The following JMJD1C variants were observed in gnomAD, a reference collection of about 807,000 sequenced individuals.
The protein encoded by JMJD1C is jumonji domain-containing protein 1C.
In JMJD1C, 31 loss-of-function variants were observed where a neutral mutation model predicts 245.3. The observed-to-expected ratio is 0.13, with a 90% CI of 0.09 to 0.17. The LOEUF is 0.17. JMJD1C is among the 10% of genes least tolerant of loss of function. The probability of loss-of-function intolerance (pLI) is 1.00; values close to 1 mark genes in which losing one functional copy is unlikely to be tolerated. For missense variants in JMJD1C, 2,691 were observed against 3,000.2 expected, an observed-to-expected ratio of 0.90 and a Z score of 2.41; for synonymous variants, 1,057 against 1,017.4, an observed-to-expected ratio of 1.04 and a Z score of -0.74.
At chr10:63,409,028 G>A (rs1158692147) in intron 1 of JMJD1C, among the ~76,000 whole-genome samples, 2 of 152,146 alleles carry the variant, frequency 1.3e-5, no homozygotes, top group African/African-American at 4.8e-5. Context: ...TATTTTCCAA[G>A]AAATTAAAAG....
intron 1 of JMJD1C, among the ~76,000 whole-genome samples, chr10:63,490,662 C>G (rs540416140): frequency 2.0e-5 from 3 of 152,144 alleles, no homozygotes; most frequent in African/African-American, 7.2e-5. Flanking sequence ...GATCCACCCA[C>G]CTCGGCTTCC....
At chr10:63,488,810 G>A (rs1046525632) in intron 1 of JMJD1C, among the ~76,000 whole-genome samples, 2 of 152,324 alleles carry the variant, frequency 1.3e-5, no homozygotes, top group African/African-American at 4.8e-5. Flanking sequence ...GTTGAGAGGA[G>A]CTTGAGGGTG....
At chr10:63,257,561 C>T (rs934740957) in intron 3 of JMJD1C, among the ~76,000 whole-genome samples, 9 of 152,078 alleles carry the variant, frequency 5.9e-5, no homozygotes, top group African/African-American at 2.2e-4. Context: ...ACTTCTAGAC[C>T]TTAGTATTAT....
intron 2 of JMJD1C, among the ~76,000 whole-genome samples, chr10:63,282,864 G>A (rs369150498): frequency 4.9e-4 from 75 of 152,108 alleles, no homozygotes; most frequent in East Asian, 3.5e-3. Context: ...CTACAGGCGC[G>A]TGCCACCACG....
intron 1 of JMJD1C, among the ~76,000 whole-genome samples, chr10:63,505,605 TA>T (rs1407862797): frequency 6.6e-6 from 1 of 151,974 alleles, no homozygotes; most frequent in Non-Finnish European, 1.5e-5. Context: ...GGTGGGCTTT[TA>T]AAAAAATTAC....
intron 2 of JMJD1C, among the ~76,000 whole-genome samples, chr10:63,335,182 G>A (rs1942591721): frequency 6.6e-6 from 1 of 152,116 alleles, no homozygotes; most frequent in South Asian, 2.1e-4. Context: ...ATCAGAGATT[G>A]TTGTTCCAGG....
chr10:63,256,830 A>T (rs1853999467), intron 3 of JMJD1C, among the ~76,000 whole-genome samples: 1 of 152,222 alleles, frequency 6.6e-6, no homozygotes, highest in Non-Finnish European at 1.5e-5. Context: ...TTTTAATCAA[A>T]TGTTAAAATG....
chr10:63,446,172 C>T (rs1482864215), intron 1 of JMJD1C, among the ~76,000 whole-genome samples: 2 of 151,950 alleles, frequency 1.3e-5, no homozygotes, highest in Non-Finnish European at 2.9e-5. Context: ...CACCACGCCC[C>T]GCCTGGGATC....
chr10:63,427,952 G>A (rs1311545341), intron 1 of JMJD1C: 6 of 704,918 alleles, frequency 8.5e-6, no homozygotes, highest in African/African-American at 7.0e-5. Flanking sequence ...AGTTTGTGTG[G>A]CCAGCTCATT....
At chr10:63,457,261 T>C (rs1441803051) in intron 1 of JMJD1C, among the ~76,000 whole-genome samples, 1 of 152,064 alleles carries the variant, frequency 6.6e-6, no homozygotes, top group Non-Finnish European at 1.5e-5. Context: ...ACGTTCAAGG[T>C]GGAAAAACAT....
intron 3 of JMJD1C, among the ~76,000 whole-genome samples, chr10:63,249,447 A>G (rs780649078): frequency 6.6e-6 from 1 of 152,246 alleles, no homozygotes; most frequent in African/African-American, 2.4e-5. Flanking sequence ...TAAATATACA[A>G]TTCAACAGAA....
chr10:63,247,864 C>CAAAACA (rs199945791), intron 3 of JMJD1C, among the ~76,000 whole-genome samples: 9 of 118,240 alleles, frequency 7.6e-5, no homozygotes, highest in African/African-American at 2.5e-4. Context: ...CAAAACAAAA[C>CAAAACA]AAACAAAGAA....
chr10:63,465,556 C>T lies in JMJD1C; in HGVS notation c.107G>A (p.Ser36Asn), dbSNP rs765320205. Residue 36 changes from serine to asparagine, a missense_variant, in exon 1 of 26, where the codon AGC becomes AAC. Ser to Asn is a conservative substitution (Grantham distance 46, BLOSUM62 1). Coordinates refer to ENST00000399262, the MANE Select transcript of JMJD1C (RefSeq NM_032776.3). The stretch of plus-strand genomic sequence containing the variant: ...GGCTCGGATGACCCCCGCTCGCCAG[C>T]TTCGCCAGCCGCGTCCGCTCTCCCA... ...ERWESGRGWR[S>N]WRAGVIRAVS... is the part of the protein sequence containing the mutation. 7.5e-6 allele frequency: 12 copies of T among 1,603,488 alleles called. No individual in the cohort carries two copies. The highest frequency in any genetic ancestry group is 2.7e-5 in the African/African-American group (2 of 75,026).
chr10:63,457,072 T>C (rs1952461787), intron 1 of JMJD1C, among the ~76,000 whole-genome samples: 1 of 152,198 alleles, frequency 6.6e-6, no homozygotes, highest in Admixed American at 6.5e-5. Context: ...TATGAAAAAC[T>C]GCTCTTGTGT....
In JMJD1C at chr10:63,214,266, T is replaced by C. The variant is rs1332521766; in HGVS notation, c.1901A>G (p.His634Arg). Residue 634 changes from histidine (H) to arginine (R), a missense_variant, in exon 8 of 26, where the codon CAC becomes CGC. This residue lies in a region of JMJD1C where 1,562 missense variants were observed against 1,490.7 expected (regional missense o/e 1.05). Coordinates refer to ENST00000399262, the MANE Select transcript of JMJD1C (RefSeq NM_032776.3). ...AGGTGATGGGCTGGATTTTATCTTG[T>C]GAGTATCTACTGAAGTATTAAGTTT... is the stretch of plus-strand genomic sequence containing the variant. Reference protein sequence around the residue: ...KSKLNTSVDTHKIKSSPSPEV... With the variant: ...KSKLNTSVDTRKIKSSPSPEV... The C allele has an allele frequency of 5.0e-6, 8 of 1,614,054 alleles. No individual in the cohort carries two copies. The highest frequency in any genetic ancestry group is 5.9e-6 in the Non-Finnish European group (7 of 1,179,970).
chr10:63,303,089 A>G (rs1040560265), intron 2 of JMJD1C, among the ~76,000 whole-genome samples: 1 of 151,922 alleles, frequency 6.6e-6, no homozygotes, highest in African/African-American at 2.4e-5. Flanking sequence ...TAGGAAAAAA[A>G]TTGTGTTGTA....
At chr10:63,235,852 A>G (rs868061840) in intron 3 of JMJD1C, among the ~76,000 whole-genome samples, 3 of 152,188 alleles carry the variant, frequency 2.0e-5, no homozygotes, top group Non-Finnish European at 4.4e-5. Flanking sequence ...TAGGTTTTCA[A>G]TAACTTACCT....
At chr10:63,343,213 A>AC (rs1361998232) in intron 2 of JMJD1C, among the ~76,000 whole-genome samples, 2 of 152,040 alleles carry the variant, frequency 1.3e-5, no homozygotes, top group Non-Finnish European at 2.9e-5. Flanking sequence ...AATTTTTTTA[A>AC]AAATTGGCTG....
At chr10:63,414,969 C>A (rs1320320648) in intron 1 of JMJD1C, among the ~76,000 whole-genome samples, 1 of 148,920 alleles carries the variant, frequency 6.7e-6, no homozygotes, top group East Asian at 2.0e-4. Context: ...GATGAACTGA[C>A]AAACAATAGG....
Sources: gnomAD v4.1 joint callset for allele counts (sites outside exome capture counted in the v4.1 genomes callset) on GRCh38, gnomAD v4.1.1 for gene constraint, gnomAD v4.1.1 regional missense constraint, MANE v1.5 for transcripts, NCBI Gene and HGNC (gene_info 2026-07-23, HGNC 2026-07-21) for gene names.